The following NCKAP1 variants were observed in gnomAD, a reference collection of about 807,000 sequenced individuals.
NCKAP1 encodes the protein NCK associated protein 1, also known as nck-associated protein 1.
NCKAP1 carries 21 observed loss-of-function variants against 151.2 expected under a neutral mutation model. The observed-to-expected ratio is 0.14, with a 90% CI of 0.10 to 0.20. NCKAP1 has a LOEUF of 0.20. Among genes scored for constraint, NCKAP1 ranks in the 10% least tolerant of loss-of-function variants. The pLI, the probability that NCKAP1 is intolerant of heterozygous loss-of-function variation, is 1.00. For missense variants in NCKAP1, 933 were observed against 1,352.1 expected, an observed-to-expected ratio of 0.69 and a Z score of 4.86; for synonymous variants, 484 against 451.8, an observed-to-expected ratio of 1.07 and a Z score of -0.90.
At chr2:182,972,195 A>C (rs1269171729) in intron 15 of NCKAP1, among the ~76,000 whole-genome samples, 1 of 151,206 alleles carries the variant, frequency 6.6e-6, no homozygotes, top group Non-Finnish European at 1.5e-5. Context: ...AACAATCAGA[A>C]TATATAAGGA....
At chr2:183,019,213 T>G (rs1017759282) in intron 2 of NCKAP1, among the ~76,000 whole-genome samples, 1 of 152,188 alleles carries the variant, frequency 6.6e-6, no homozygotes, top group Admixed American at 6.5e-5. Flanking sequence ...CTCATTAATT[T>G]GGATATCAAA....
At chr2:183,031,889 C>T (rs1399351561) in intron 1 of NCKAP1, among the ~76,000 whole-genome samples, 1 of 152,150 alleles carries the variant, frequency 6.6e-6, no homozygotes, top group Non-Finnish European at 1.5e-5. Context: ...TACCATGGAG[C>T]TGGTTTTGCT....
At chr2:182,971,394 A>C (rs1461438795) in intron 15 of NCKAP1, among the ~76,000 whole-genome samples, 1 of 89,974 alleles carries the variant, frequency 1.1e-5, no homozygotes, top group East Asian at 2.2e-4. Context: ...ACTCCGTCTC[A>C]AAAAAAAAAA....
chr2:182,964,316 T>A (rs1200434713), intron 17 of NCKAP1, among the ~76,000 whole-genome samples: 2 of 152,142 alleles, frequency 1.3e-5, no homozygotes, highest in Non-Finnish European at 2.9e-5. Context: ...TTTATGCTTA[T>A]TCAGTAATCC....
intron 8 of NCKAP1, 27 bp from the exon 9 acceptor site, chr2:182,989,213 A>C (rs141686092): frequency 6.4e-7 from 1 of 1,551,004 alleles, no homozygotes; most frequent in African/African-American, 1.4e-5. Flanking sequence ...AGCAAATACA[A>C]ATGTAAATGT....
At chr2:182,983,625 C>A (rs2105855413) in intron 10 of NCKAP1, among the ~76,000 whole-genome samples, 1 of 152,206 alleles carries the variant, frequency 6.6e-6, no homozygotes, top group Admixed American at 6.5e-5. Context: ...AAAATCCTAC[C>A]CAACCTTCAA....
rs1014371277 is a variant in NCKAP1 at position 182,921,129 on chromosome 2, T to C, written c.*4573A>G. On this transcript the variant is annotated 3_prime_UTR_variant, in exon 31 of 31. Coordinates refer to ENST00000361354, the MANE Select transcript of NCKAP1 (RefSeq NM_013436.5). ...TTTGGTTGCAACCTCGTAAGTTGCTTCCTGTTCTATAATTTAAAATAACTA... is the reference window on the plus strand; with the variant it reads ...TTTGGTTGCAACCTCGTAAGTTGCTCCCTGTTCTATAATTTAAAATAACTA... 11 of 151,544 alleles carry C rather than the reference T, an allele frequency of 7.3e-5. No homozygotes were observed. The highest frequency in any genetic ancestry group is 2.7e-4 in the African/African-American group (11 of 40,820). 9.4% of individuals were successfully genotyped at this position (151,544 alleles called of 1,614,324 possible).
In NCKAP1 at chr2:182,924,584, T is replaced by C. The variant is rs1223872991; in HGVS notation, c.*1118A>G. The C allele has an allele frequency of 2.6e-5, 4 of 152,110 alleles. No individual in the cohort carries two copies. Among genetic ancestry groups the C allele is most frequent in the East Asian group, 1.9e-4 (1 of 5,196 alleles). The allele number at this position is 152,110 out of a possible 1,614,324, so 9.4% of individuals were successfully genotyped here. On this transcript the variant is annotated 3_prime_UTR_variant, in exon 31 of 31. Transcript: ENST00000361354. ...AGTCCCATGATCACTCAATTTTTTT[T>C]CCCTATTCTTTTAAATAACTCTATT...
At chr2:182,928,327 ATT>A in intron 28 of NCKAP1, 101 bp from the exon 29 acceptor site, 1 of 773,900 alleles carries the variant, frequency 1.3e-6, no homozygotes, top group Admixed American at 2.8e-5. Flanking sequence ...TAGGGGCATA[ATT>A]AAGAGTAGAG....
chr2:183,032,790 T>C (rs1699029584), intron 1 of NCKAP1, among the ~76,000 whole-genome samples: 1 of 152,200 alleles, frequency 6.6e-6, no homozygotes, highest in South Asian at 2.1e-4. Context: ...CTTACACCTG[T>C]AATCCCAGTA....
In NCKAP1 at chr2:182,938,019, G is replaced by A. The variant is rs995300591; in HGVS notation, c.2696-2644C>T. 9.5e-4 allele frequency among the ~76,000 whole-genome samples: 144 copies of A among 152,302 alleles called. 2 individuals carry two copies. Among genetic ancestry groups the A allele is most frequent in the Non-Finnish European group, 1.3e-4 (9 of 68,026 alleles). On this transcript the variant is annotated intron_variant, in intron 24 of 30. Transcript: ENST00000361354. The stretch of plus-strand genomic sequence containing the variant: ...CTTTTGTATGATTCCAAATGACCCC[G>A]AGGACTTGTTAAAACACAGACTGCT...
intron 18 of NCKAP1, among the ~76,000 whole-genome samples, chr2:182,959,459 G>C (rs1056444506): frequency 6.6e-6 from 1 of 152,104 alleles, no homozygotes; most frequent in African/African-American, 2.4e-5. Context: ...ATGTAATCCA[G>C]CATATAAACA....
chr2:182,991,814 GA>G, intron 8 of NCKAP1, among the ~76,000 whole-genome samples: 1 of 151,918 alleles, frequency 6.6e-6, no homozygotes, highest in South Asian at 2.1e-4. Context: ...CTGGAGATAG[GA>G]AAAAAAATCT....
intron 10 of NCKAP1, among the ~76,000 whole-genome samples, 162 bp downstream of exon 10, chr2:182,986,009 T>C (rs1414358521): frequency 5.9e-5 from 9 of 152,130 alleles, no homozygotes; most frequent in Non-Finnish European, 1.3e-4. Context: ...ATTCCAAGGT[T>C]CTACATATTG....
chr2:182,997,974 T>C (rs1421454519), intron 6 of NCKAP1, among the ~76,000 whole-genome samples: 3 of 152,156 alleles, frequency 2.0e-5, no homozygotes, highest in African/African-American at 7.2e-5. Flanking sequence ...AAAAAGTTAA[T>C]TCACCATGAT....
intron 22 of NCKAP1, 47 bp from the exon 23 acceptor site, chr2:182,952,549 T>G: frequency 1.3e-5 from 18 of 1,369,556 alleles, no homozygotes; most frequent in Non-Finnish European, 1.8e-5. Context: ...GAGCAAATAC[T>G]TTAAGAAAAT....
chr2:182,930,605 AT>A, intron 27 of NCKAP1, 89 bp downstream of exon 27: 1 of 973,280 alleles, frequency 1.0e-6, no homozygotes, highest in Admixed American at 2.2e-5. Context: ...CAAAGCAGGC[AT>A]TTGAATATAT....
intron 18 of NCKAP1, among the ~76,000 whole-genome samples, chr2:182,959,222 C>G (rs1272472816): frequency 6.6e-6 from 1 of 152,132 alleles, no homozygotes; most frequent in East Asian, 1.9e-4. Context: ...CAAAGGAGTT[C>G]CTTCCTAAAA....
Position 182,995,688 on chromosome 2 carries a change from A to C in NCKAP1, c.741+13T>G, listed in dbSNP as rs1698254775. 6.2e-7 allele frequency: 1 copy of C among 1,602,748 alleles called. No homozygotes were observed. Among genetic ancestry groups the C allele is most frequent in the South Asian group, 1.1e-5 (1 of 88,434 alleles). On this transcript the variant is annotated intron_variant, in intron 7 of 30. Coordinates refer to ENST00000361354, the MANE Select transcript of NCKAP1 (RefSeq NM_013436.5). The stretch of plus-strand genomic sequence containing the variant: ...ACTTTATTTTCATTCAAAAGAGAAA[A>C]ATAGAACCATACAGTGTCGGACTGT...
Sources: allele counts gnomAD v4.1 joint callset (sites outside exome capture counted in the v4.1 genomes callset), GRCh38; gene constraint gnomAD v4.1.1; transcripts MANE v1.5; gene names NCBI Gene and HGNC (gene_info 2026-07-23, HGNC 2026-07-21).